TAF4B: variants seen among roughly 807,000 people sequenced by gnomAD.
TAF4B encodes the protein TATA-box binding protein associated factor 4b.
A neutral mutation model predicts 86.4 loss-of-function variants in TAF4B; 38 were observed. The observed-to-expected ratio is 0.44, with a 90% confidence interval of 0.34 to 0.58. TAF4B has a LOEUF of 0.58. TAF4B is among the 20% of genes least tolerant of loss of function. The probability of loss-of-function intolerance (pLI) is 0.02; values close to 1 mark genes in which losing one functional copy is unlikely to be tolerated. For synonymous variants in TAF4B, 388 were observed against 391.2 expected (o/e 0.99, Z 0.10); for missense variants, 988 against 1,027.6 (o/e 0.96, Z 0.53).
intron 13 of TAF4B, 85 bp from the exon 14 acceptor site, chr18:26,357,605 C>A: frequency 1.2e-6 from 1 of 833,228 alleles, no homozygotes; most frequent in Non-Finnish European, 1.8e-6. Flanking sequence ...TTGGTGAATG[C>A]AGAATTAGGC....
intron 1 of TAF4B, among the ~76,000 whole-genome samples, chr18:26,231,997 A>G (rs2055678405): frequency 6.6e-6 from 1 of 151,876 alleles, no homozygotes; most frequent in Non-Finnish European, 1.5e-5. Context: ...TGATTGGTGC[A>G]TTTTACAGAG....
chr18:26,273,768 T>C (rs7235035), intron 3 of TAF4B, among the ~76,000 whole-genome samples: 29,532 of 152,132 alleles, frequency 0.19, 4,291 homozygotes, highest in African/African-American at 0.41. Flanking sequence ...GGAGATTTTA[T>C]TGTACATTCA....
intron 5 of TAF4B, among the ~76,000 whole-genome samples, chr18:26,278,763 C>T (rs541782993): frequency 1.3e-5 from 2 of 152,110 alleles, no homozygotes; most frequent in East Asian, 3.9e-4. Context: ...AAAAGGCTTT[C>T]TCTCCAAGAT....
intron 13 of TAF4B, among the ~76,000 whole-genome samples, chr18:26,340,927 T>C (rs2057130455): frequency 6.6e-6 from 1 of 152,174 alleles, no homozygotes; most frequent in Non-Finnish European, 1.5e-5. Context: ...GTTTCCTTCA[T>C]GGATATTTTT....
At chr18:26,368,008 G>A (rs139921981) in intron 14 of TAF4B, among the ~76,000 whole-genome samples, 5 of 152,040 alleles carry the variant, frequency 3.3e-5, no homozygotes, top group African/African-American at 4.8e-5. Context: ...CATCTCTACC[G>A]TTCCTTTGTG....
At position 26,317,543 on chromosome 18, in the gene TAF4B, T is replaced by G. The variant is rs1443146206; in HGVS notation, c.2002+2145T>G. Among the ~76,000 whole-genome samples, 3 of 152,218 alleles carry G rather than the reference T, an allele frequency of 2.0e-5. No individual in the cohort carries two copies. In the East Asian group the frequency reaches 5.8e-4, roughly 29 times the overall value. ...GTACAAAGCAGCCATAGACAATGTG[T>G]AAACAAATGGGCATGGTTATTGTCT... is the stretch of plus-strand genomic sequence containing the variant. On this transcript the variant is annotated intron_variant, in intron 10 of 14. Transcript: ENST00000269142.
chr18:26,306,476 C>A (rs1287145699), intron 9 of TAF4B, among the ~76,000 whole-genome samples: 2 of 152,278 alleles, frequency 1.3e-5, no homozygotes, highest in Middle Eastern at 3.4e-3. Flanking sequence ...TCTTCTTAAT[C>A]GTCTATGAAA....
At chr18:26,273,388 A>G (rs1480963969) in intron 3 of TAF4B, among the ~76,000 whole-genome samples, 25 of 152,226 alleles carry the variant, frequency 1.6e-4, no homozygotes, top group Non-Finnish European at 1.3e-4. Flanking sequence ...AAACAAGACT[A>G]CATGTGATAT....
Position 26,231,354 on chromosome 18 carries a change from T to G in TAF4B, c.343+4078T>G, listed in dbSNP as rs1307885457. On this transcript the variant is annotated intron_variant, in intron 1 of 14. Coordinates refer to ENST00000269142, the MANE Select transcript of TAF4B (RefSeq NM_005640.3). The stretch of plus-strand genomic sequence containing the variant: ...CACCCAGCTGCTTGGGGTTTTTTTT[T>G]TTTTTTTTTTTTTTTGGAGACAGAG... 4.5e-3 allele frequency among the ~76,000 whole-genome samples: 603 copies of G among 135,482 alleles called. 13 individuals are homozygous for G. The highest frequency in any genetic ancestry group is 0.016 in the African/African-American group (566 of 36,058). The allele number at this position is 135,482 out of a possible 152,430, so 88.9% of individuals were successfully genotyped here. A position where few individuals can be genotyped will look rare whatever the true frequency, so the allele number is the denominator to read the frequency against.
intron 14 of TAF4B, among the ~76,000 whole-genome samples, chr18:26,385,964 C>T (rs1978343548): frequency 6.6e-6 from 1 of 152,074 alleles, no homozygotes; most frequent in South Asian, 2.1e-4. Context: ...CAGTTGTGGA[C>T]TTTGCCAAAT....
At chr18:26,345,038 A>G (rs933497215) in intron 13 of TAF4B, among the ~76,000 whole-genome samples, 5 of 152,200 alleles carry the variant, frequency 3.3e-5, no homozygotes, top group South Asian at 2.1e-4. Context: ...AGTCCTCAAA[A>G]GCCCTGAACC....
At chr18:26,248,908 T>C (rs1028827993) in intron 1 of TAF4B, among the ~76,000 whole-genome samples, 10 of 148,198 alleles carry the variant, frequency 6.7e-5, no homozygotes, top group African/African-American at 2.5e-4. Flanking sequence ...GCGCAGTGGC[T>C]CACGCCTGTA....
chr18:26,386,594 A>T (rs566412183), intron 14 of TAF4B, among the ~76,000 whole-genome samples: 76 of 152,250 alleles, frequency 5.0e-4, no homozygotes, highest in Middle Eastern at 3.4e-3. Context: ...CCCCCATGGG[A>T]ACTCACTCTC....
intron 13 of TAF4B, among the ~76,000 whole-genome samples, chr18:26,355,982 G>T (rs1011632893): frequency 6.6e-6 from 1 of 152,170 alleles, no homozygotes; most frequent in Non-Finnish European, 1.5e-5. Context: ...TGAAGCAAGT[G>T]GAAAATGGTT....
intron 1 of TAF4B, among the ~76,000 whole-genome samples, chr18:26,234,768 G>C (rs551024339): frequency 3.3e-5 from 5 of 152,322 alleles, no homozygotes; most frequent in Admixed American, 1.3e-4. Context: ...AAAGTAGCAG[G>C]GTTGAGGGCT....
chr18:26,304,140 A>G (rs995466649), intron 9 of TAF4B, among the ~76,000 whole-genome samples: 1 of 150,298 alleles, frequency 6.7e-6, no homozygotes, highest in African/African-American at 2.4e-5. Context: ...GACAATGTCA[A>G]GATTGAGATT....
At chr18:26,315,492 C>A in intron 10 of TAF4B, 94 bp downstream of exon 10, 1 of 837,320 alleles carries the variant, frequency 1.2e-6, no homozygotes, top group Non-Finnish European at 1.7e-6. Flanking sequence ...TGTCCTGGAA[C>A]TCTGAGGCTT....
intron 13 of TAF4B, among the ~76,000 whole-genome samples, chr18:26,352,790 CAAAT>C (rs2057256056): frequency 6.6e-6 from 1 of 152,166 alleles, no homozygotes; most frequent in African/African-American, 2.4e-5. Flanking sequence ...GCAAATATAA[CAAAT>C]AACTGTGCAT....
intron 1 of TAF4B, among the ~76,000 whole-genome samples, chr18:26,252,325 A>G (rs1481267186): frequency 6.6e-6 from 1 of 152,140 alleles, no homozygotes; most frequent in Non-Finnish European, 1.5e-5. Context: ...TTGCAAGTGT[A>G]TAAAAATACA....
Sources: allele counts gnomAD v4.1 joint callset (sites outside exome capture counted in the v4.1 genomes callset), GRCh38; gene constraint gnomAD v4.1.1; transcripts MANE v1.5; gene names NCBI Gene and HGNC (gene_info 2026-07-23, HGNC 2026-07-21).